WWOX: variants seen among roughly 807,000 people sequenced by gnomAD.
WWOX encodes the protein WW domain-containing oxidoreductase.
WWOX carries 69 observed loss-of-function variants against 46.2 expected under a neutral mutation model. The ratio of observed to expected loss-of-function variants is 1.49; its 90% CI spans 1.23 to 1.82. The LOEUF (loss-of-function observed/expected upper bound fraction) is 1.82. WWOX is among the 40% of genes most tolerant of loss of function. WWOX has a pLI of 0.00. For synonymous variants in WWOX, 359 were observed against 202.6 expected (o/e 1.77, Z -6.56); for missense variants, 919 against 542.6 (o/e 1.69, Z -6.89).
chr16:78,151,762 C>G (rs537724015), intron 4 of WWOX, among the ~76,000 whole-genome samples: 1 of 152,200 alleles, frequency 6.6e-6, no homozygotes, highest in Non-Finnish European at 1.5e-5. Context: ...GTAGCGTCGA[C>G]ATTATGAAAT....
chr16:78,785,568 A>G (rs1036915580), intron 8 of WWOX, among the ~76,000 whole-genome samples: 4 of 152,124 alleles, frequency 2.6e-5, no homozygotes, highest in African/African-American at 9.7e-5. Context: ...AAGAAGAAGA[A>G]TAGTATACAC....
At chr16:78,728,008 C>A (rs192480763) in intron 8 of WWOX, among the ~76,000 whole-genome samples, 80 of 145,920 alleles carry the variant, frequency 5.5e-4, no homozygotes, top group African/African-American at 1.8e-3. Context: ...AAACCTATTA[C>A]AAGTGAACAT....
At chr16:78,614,699 A>T (rs1311704486) in intron 8 of WWOX, among the ~76,000 whole-genome samples, 1 of 152,164 alleles carries the variant, frequency 6.6e-6, no homozygotes, top group Non-Finnish European at 1.5e-5. Flanking sequence ...ACGCTACATG[A>T]AGAGGGACGG....
chr16:78,197,488 T>A (rs916105312), intron 5 of WWOX, among the ~76,000 whole-genome samples: 1 of 151,584 alleles, frequency 6.6e-6, no homozygotes, highest in Non-Finnish European at 1.5e-5. Context: ...GGATTAAAAA[T>A]TTTTTTCATA....
intron 8 of WWOX, among the ~76,000 whole-genome samples, chr16:78,889,303 C>G (rs554669658): frequency 6.6e-6 from 1 of 152,086 alleles, no homozygotes; most frequent in African/African-American, 2.4e-5. Flanking sequence ...GGTGCATAGT[C>G]AAATGCTTTC....
chr16:79,091,389 G>C (rs2048957028), intron 8 of WWOX, among the ~76,000 whole-genome samples: 1 of 152,066 alleles, frequency 6.6e-6, no homozygotes, highest in African/African-American at 2.4e-5. Flanking sequence ...CGTGAGCACA[G>C]ATGAATTTGA....
At chr16:78,351,109 G>T (rs1270227795) in intron 5 of WWOX, among the ~76,000 whole-genome samples, 2 of 152,200 alleles carry the variant, frequency 1.3e-5, no homozygotes, top group Admixed American at 6.5e-5. Context: ...CGGTTATCAG[G>T]TCACACCTGT....
At chr16:78,913,017 G>A (rs1279436191) in intron 8 of WWOX, among the ~76,000 whole-genome samples, 2 of 152,032 alleles carry the variant, frequency 1.3e-5, no homozygotes, top group African/African-American at 4.8e-5. Flanking sequence ...CTCTCGAGTT[G>A]TCTCAGAGCA....
chr16:78,930,213 C>T (rs1374446384), intron 8 of WWOX, among the ~76,000 whole-genome samples: 1 of 113,376 alleles, frequency 8.8e-6, no homozygotes, highest in African/African-American at 3.4e-5. Flanking sequence ...TGGATTATTT[C>T]AGGACCTTTC....
At chr16:78,753,239 G>C (rs1029334410) in intron 8 of WWOX, among the ~76,000 whole-genome samples, 1 of 152,054 alleles carries the variant, frequency 6.6e-6, no homozygotes, top group Admixed American at 6.5e-5. Context: ...GGCGGAGCTT[G>C]CAGTGAGCCG....
At chr16:78,504,751 C>A (rs2085150916) in intron 8 of WWOX, among the ~76,000 whole-genome samples, 1 of 151,998 alleles carries the variant, frequency 6.6e-6, no homozygotes, top group Non-Finnish European at 1.5e-5. Flanking sequence ...TGGAACCACG[C>A]CACGGACGCA....
chr16:79,025,588 C>G (rs536028389), intron 8 of WWOX, among the ~76,000 whole-genome samples: 2 of 152,096 alleles, frequency 1.3e-5, no homozygotes, highest in Non-Finnish European at 2.9e-5. Flanking sequence ...ATAGGTTCTC[C>G]TCAGAGCCCC....
chr16:78,887,581 T>C (rs1227788895), intron 8 of WWOX, among the ~76,000 whole-genome samples: 1 of 151,626 alleles, frequency 6.6e-6, no homozygotes, highest in African/African-American at 2.4e-5. Flanking sequence ...CTTCGGGAGT[T>C]GAACAAGTGG....
chr16:78,475,994 C>T (rs532062187), intron 8 of WWOX, among the ~76,000 whole-genome samples: 2 of 152,136 alleles, frequency 1.3e-5, no homozygotes, highest in African/African-American at 4.8e-5. Flanking sequence ...GTTTTTCTTT[C>T]CTCCAGCTCC....
chr16:78,692,143 C>T (rs1423500437), intron 8 of WWOX, among the ~76,000 whole-genome samples: 3 of 152,112 alleles, frequency 2.0e-5, no homozygotes, highest in Admixed American at 6.6e-5. Flanking sequence ...AGCGTGAAAA[C>T]GGACTAATAC....
chr16:79,211,034 A>AGAGTGTGTGTGTGTGT (rs1555547724), intron 8 of WWOX, among the ~76,000 whole-genome samples: 7 of 149,602 alleles, frequency 4.7e-5, no homozygotes, highest in Non-Finnish European at 7.4e-5. Context: ...TATGGTGAGG[A>AGAGTGTGTGTGTGTGT]GTGTGTGTGT....
At chr16:79,128,822 A>G (rs184620345) in intron 8 of WWOX, among the ~76,000 whole-genome samples, 1 of 152,156 alleles carries the variant, frequency 6.6e-6, no homozygotes, top group Non-Finnish European at 1.5e-5. Flanking sequence ...TTTGTTCACA[A>G]TGGGACTAGA....
chr16:78,829,676 A>C (rs998791451), intron 8 of WWOX, among the ~76,000 whole-genome samples: 2 of 152,136 alleles, frequency 1.3e-5, no homozygotes, highest in African/African-American at 4.8e-5. Flanking sequence ...TTAGAAAGTC[A>C]TGTCTCATTC....
intron 8 of WWOX, among the ~76,000 whole-genome samples, chr16:78,836,102 C>T (rs1012656755): frequency 2.0e-5 from 3 of 152,080 alleles, no homozygotes; most frequent in African/African-American, 4.8e-5. Flanking sequence ...TGTATGCACA[C>T]ATGAGAATTT....
Sources: gnomAD v4.1 joint callset for allele counts (sites outside exome capture counted in the v4.1 genomes callset) on GRCh38, gnomAD v4.1.1 for gene constraint, MANE v1.5 for transcripts, NCBI Gene and HGNC (gene_info 2026-07-23, HGNC 2026-07-21) for gene names.